Variants in FXYD3 observed in about 807,000 individuals in gnomAD.
FXYD3 encodes the protein FXYD domain containing ion transport regulator 3, also known as FXYD domain-containing ion transport regulator 3.
FXYD3 carries 13 observed loss-of-function variants against 19.2 expected under a neutral mutation model. That is an observed-to-expected ratio of 0.68 (90% CI 0.44 to 1.08). FXYD3 has a LOEUF of 1.08. Ranked by LOEUF, FXYD3 falls within the 50% of genes least tolerant of loss-of-function variation. The pLI, the probability that FXYD3 is intolerant of heterozygous loss-of-function variation, is 0.00. For synonymous variants in FXYD3, 48 were observed against 38.9 expected (o/e 1.23, Z -0.87); for missense variants, 101 against 109.4 (o/e 0.92, Z 0.34).
Position 35,122,793 on chromosome 19 carries a change from C to T in FXYD3, c.126C>T (p.Leu42=), listed in dbSNP as rs1156835276. Residue 42 remains leucine (L), a synonymous_variant, in exon 6 of 9, where the codon CTC becomes CTT. Coordinates refer to ENST00000604404, the MANE Select transcript of FXYD3 (RefSeq NM_005971.4). ...GGCACAGCCTCCAGGTTGGCGGGCT[C>T]ATCTGCGCTGGGGTTCTGTGCGCCA... ...YDWHSLQVGG[L]ICAGVLCAMG... The T allele has an allele frequency of 6.2e-6, 10 of 1,613,916 alleles. No homozygotes were observed. Among genetic ancestry groups the T allele is most frequent in the Non-Finnish European group, 8.5e-6 (10 of 1,180,008 alleles).
intron 5 of FXYD3, chr19:35,121,707 T>G: frequency 4.2e-6 from 1 of 237,424 alleles, no homozygotes; most frequent in Non-Finnish European, 7.5e-6. Context: ...CCTCTGCACC[T>G]GCTGGTTCCT....
chr19:35,116,092 G>A (rs1255634967), intron 1 of FXYD3, 133 bp downstream of exon 1: 1 of 262,680 alleles, frequency 3.8e-6, no homozygotes, highest in East Asian at 1.8e-4. Context: ...TAATTCCAGG[G>A]GCCGAGTTCC....
At chr19:35,123,400 C>T in intron 8 of FXYD3, 41 bp from the exon 9 acceptor site, 2 of 1,613,882 alleles carry the variant, frequency 1.2e-6, no homozygotes, top group Non-Finnish European at 1.7e-6. Flanking sequence ...AAGAAAAGAA[C>T]TCAATCCACC....
chr19:35,123,369 T>C (rs113577293), intron 8 of FXYD3, 61 bp downstream of exon 8: 1 of 670,532 alleles, frequency 1.5e-6, no homozygotes, highest in East Asian at 3.7e-5. Flanking sequence ...TGTGTGTGTA[T>C]GTGTGTGTTT....
Position 35,116,305 on chromosome 19 carries a change from C to T in FXYD3, c.-69C>T, listed in dbSNP as rs1483675599. ...GCAGCTTCGGATAAACGCAGGACTC[C>T]GCCTGGCAGCCCGATTTCTCCCGGA... On this transcript the variant is annotated 5_prime_UTR_variant, in exon 2 of 9. Transcript: ENST00000604404. 37 of 985,334 alleles carry T rather than the reference C, an allele frequency of 3.8e-5. No homozygotes were observed. In the South Asian group the frequency reaches 1.4e-3, roughly 36 times the overall value. The allele number at this position is 985,334 out of a possible 1,614,324, so 61.0% of individuals were successfully genotyped here. A position where few individuals can be genotyped will look rare whatever the true frequency, so the allele number is the denominator to read the frequency against.
At chr19:35,116,048 C>G (rs887227825) in intron 1 of FXYD3, 89 bp downstream of exon 1, 3 of 171,456 alleles carry the variant, frequency 1.7e-5, no homozygotes, top group Non-Finnish European at 3.5e-5. Context: ...AAGGTCCTCT[C>G]CTGGGCACAG....
At chr19:35,118,589 C>T in intron 2 of FXYD3, 1 of 993,418 alleles carries the variant, frequency 1.0e-6, no homozygotes, top group Non-Finnish European at 1.2e-6. Context: ...AGGAACTCTG[C>T]TGGGCCTAGG....
chr19:35,122,289 G>A (rs2065059680), intron 5 of FXYD3, among the ~76,000 whole-genome samples: 1 of 151,848 alleles, frequency 6.6e-6, no homozygotes, highest in Non-Finnish European at 1.5e-5. Flanking sequence ...TGAGTAGCTG[G>A]GATTACAGGC....
At chr19:35,116,232 CAGGGCAT>C in intron 1 of FXYD3, 25 bp from the exon 2 acceptor site, 1 of 985,404 alleles carries the variant, frequency 1.0e-6, no homozygotes, top group Non-Finnish European at 1.2e-6. Context: ...CCCTGGGCCT[CAGGGCAT>C]CTGACTTGTT....
chr19:35,121,393 T>A, intron 5 of FXYD3, 148 bp downstream of exon 5: 2 of 1,587,808 alleles, frequency 1.3e-6, no homozygotes, highest in African/African-American at 2.7e-5. Context: ...TGCCACACAG[T>A]GGATTAAAGG....
At position 35,123,750 on chromosome 19, in the gene FXYD3, A is replaced by T. The variant is rs2065102865; in HGVS notation, c.*293A>T. On this transcript the variant is annotated 3_prime_UTR_variant, in exon 9 of 9. Transcript: ENST00000604404. ...CCTGGAGGCTGACACAGAGGCTGGCACTGAGCCTGCTTGTTGGGAAAAGCC... is the reference window on the plus strand; with the variant it reads ...CCTGGAGGCTGACACAGAGGCTGGCTCTGAGCCTGCTTGTTGGGAAAAGCC... The T allele has an allele frequency of 5.8e-6, 3 of 515,632 alleles. No individual in the cohort carries two copies. Among genetic ancestry groups the T allele is most frequent in the Non-Finnish European group, 1.0e-5 (3 of 286,984 alleles). 31.9% of individuals were successfully genotyped at this position (515,632 alleles called of 1,614,324 possible).
chr19:35,117,293 G>T, intron 2 of FXYD3: 1 of 1,509,046 alleles, frequency 6.6e-7, no homozygotes, highest in East Asian at 2.7e-5. Flanking sequence ...GTCAGTCTTG[G>T]CTGGATGACA....
In FXYD3 at chr19:35,119,404, G is replaced by A. The variant is rs1434331981; in HGVS notation, c.28G>A (p.Val10Met). The A allele has an allele frequency of 2.5e-6, 4 of 1,613,994 alleles. No individual in the cohort carries two copies. In the African/African-American group the frequency reaches 5.3e-5, roughly 22 times the overall value. ...GCAGAAGGTGACCCTGGGCCTGCTT[G>A]TGTTCCTGGCAGGTGAGTACCCATC... MQKVTLGLL[V>M]FLAGFPVLDA... Residue 10 changes from valine (V) to methionine (M), a missense_variant, in exon 3 of 9, where the codon GTG becomes ATG. Physicochemically the swap from Val to Met is conservative, Grantham distance 21 (BLOSUM62 1). Transcript: ENST00000604404.
At chr19:35,120,405 T>G (rs2637839) in intron 3 of FXYD3, among the ~76,000 whole-genome samples, 52,872 of 152,034 alleles carry the variant, frequency 0.35, 9,484 homozygotes, top group South Asian at 0.55. Flanking sequence ...CTTCCAAAGT[T>G]TTGGGATTAC....
chr19:35,123,691 T>C lies in FXYD3; in HGVS notation c.*234T>C. The C allele has an allele frequency of 1.7e-6, 1 of 576,946 alleles. No homozygotes were observed. The highest frequency in any genetic ancestry group is 2.1e-5 in the South Asian group (1 of 48,484). The allele number at this position is 576,946 out of a possible 1,614,324, so 35.7% of individuals were successfully genotyped here. ...GAGACTTCCTATGTGTGCATTGGGG[T>C]GGGGCTTGGGGCACCATGAGAAGGT... On this transcript the variant is annotated 3_prime_UTR_variant, in exon 9 of 9. Coordinates refer to ENST00000604404, the MANE Select transcript of FXYD3 (RefSeq NM_005971.4).
At chr19:35,122,201 C>A (rs1377800044) in intron 5 of FXYD3, among the ~76,000 whole-genome samples, 1 of 151,872 alleles carries the variant, frequency 6.6e-6, no homozygotes, top group Admixed American at 6.6e-5. Context: ...GTGTGACTGG[C>A]TGGAGTGCAA....
chr19:35,118,697 G>C (rs1055928121), intron 2 of FXYD3: 1 of 433,512 alleles, frequency 2.3e-6, no homozygotes, highest in East Asian at 1.3e-4. Context: ...AGGTTCGGGG[G>C]AACAGAGATG....
intron 2 of FXYD3, 60 bp downstream of exon 2, chr19:35,116,419 T>C: frequency 1.1e-6 from 1 of 951,690 alleles, no homozygotes; most frequent in Non-Finnish European, 1.2e-6. Context: ...AATTAGGAAG[T>C]ATCTACCTGC....
rs2065086512 is a variant in FXYD3, at chr19:35,123,156, C to A, written c.210-115C>A. ...TGCTTTGGCCCCTGGGATTGCACAACCCCCCAAATGGAAAGGCAGCCAGGA... is the reference window on the plus strand; with the variant it reads ...TGCTTTGGCCCCTGGGATTGCACAAACCCCCAAATGGAAAGGCAGCCAGGA... On this transcript the variant is annotated intron_variant, in intron 7 of 8. Transcript: ENST00000604404. The A allele has an allele frequency of 2.0e-6, 3 of 1,496,982 alleles. No individual in the cohort carries two copies. In the African/African-American group the frequency reaches 4.2e-5, roughly 21 times the overall value. The allele number at this position is 1,496,982 out of a possible 1,614,324, so 92.7% of individuals were successfully genotyped here.
Sources: allele counts gnomAD v4.1 joint callset (sites outside exome capture counted in the v4.1 genomes callset), GRCh38; gene constraint gnomAD v4.1.1; transcripts MANE v1.5; gene names NCBI Gene and HGNC (gene_info 2026-07-23, HGNC 2026-07-21).